Variants in GALNT14 observed in about 807,000 individuals in gnomAD.
The protein encoded by GALNT14 is polypeptide N-acetylgalactosaminyltransferase 14, also known as UDP-GalNAc:polypeptide N-acetylgalactosaminyltransferase 14.
In GALNT14, 60 loss-of-function variants were observed where a neutral mutation model predicts 77.5. The ratio of observed to expected loss-of-function variants is 0.77; its 90% CI spans 0.63 to 0.96. GALNT14 has a LOEUF of 0.96. GALNT14 is among the 40% of genes least tolerant of loss of function. The pLI is 0.00. For synonymous variants in GALNT14, 280 were observed against 281.7 expected (o/e 0.99, Z 0.06); for missense variants, 710 against 731.0 (o/e 0.97, Z 0.33).
intron 1 of GALNT14, among the ~76,000 whole-genome samples, chr2:31,023,680 C>A (rs10197865): frequency 6.6e-6 from 1 of 151,752 alleles, no homozygotes; most frequent in African/African-American, 2.4e-5. Context: ...CTGACTCTCA[C>A]CCTGCTTGAT....
chr2:30,932,959 G>A (rs1411019911), intron 9 of GALNT14, among the ~76,000 whole-genome samples: 2 of 152,180 alleles, frequency 1.3e-5, no homozygotes, highest in African/African-American at 2.4e-5. Flanking sequence ...GTTGGCTGCT[G>A]CTATGGGCCC....
chr2:31,079,184 A>C (rs1676001372), intron 1 of GALNT14: 1 of 578,400 alleles, frequency 1.7e-6, no homozygotes, highest in East Asian at 8.5e-5. Context: ...ATCAGTGTGG[A>C]AGTTGGCTGG....
rs28492871 is a variant in GALNT14 at position 31,064,703 on chromosome 2, T to C, written c.130-71696A>G. ...TCGCCAGACACAAGTGCACCTGAGA[T>C]AGACAACAGTCATAGCTCACCATCC... is the stretch of plus-strand genomic sequence containing the variant. On this transcript the variant is annotated intron_variant, in intron 1 of 14. Coordinates refer to ENST00000349752, the MANE Select transcript of GALNT14 (RefSeq NM_024572.4). Among the ~76,000 whole-genome samples the C allele has an allele frequency of 4.0e-3, 608 of 152,090 alleles. 5 individuals carry two copies. The highest frequency in any genetic ancestry group is 0.014 in the African/African-American group (567 of 41,490).
chr2:30,909,135 G>T (rs1664232725), downstream of GALNT14, among the ~76,000 whole-genome samples: 1 of 151,866 alleles, frequency 6.6e-6, no homozygotes, highest in Non-Finnish European at 1.5e-5. Context: ...TTACCATTCA[G>T]GACATAGGCA....
intron 1 of GALNT14, among the ~76,000 whole-genome samples, chr2:31,094,318 C>T (rs1676897513): frequency 6.6e-6 from 1 of 152,220 alleles, no homozygotes; most frequent in African/African-American, 2.4e-5. Context: ...TATCCCAAAA[C>T]CTATAAGAAC....
intron 1 of GALNT14, among the ~76,000 whole-genome samples, chr2:31,089,802 C>A (rs113382392): frequency 0.011 from 1,731 of 152,204 alleles, 13 homozygotes; most frequent in South Asian, 0.028. Flanking sequence ...AAGCAGCTGG[C>A]GTGCTAGTTC....
At chr2:30,939,467 C>A (rs188292705) in intron 9 of GALNT14, among the ~76,000 whole-genome samples, 1 of 152,224 alleles carries the variant, frequency 6.6e-6, no homozygotes, top group East Asian at 1.9e-4. Context: ...CAGGAGCAGG[C>A]TGATGAGGCT....
chr2:30,955,030 T>C (rs1287762725), intron 6 of GALNT14, among the ~76,000 whole-genome samples: 1 of 152,170 alleles, frequency 6.6e-6, no homozygotes, highest in Admixed American at 6.5e-5. Flanking sequence ...TATAAAATAA[T>C]AAGAAAAATT....
intron 2 of GALNT14, among the ~76,000 whole-genome samples, chr2:30,969,965 C>A (rs894800268): frequency 6.6e-6 from 1 of 152,234 alleles, no homozygotes; most frequent in African/African-American, 2.4e-5. Context: ...TCCGACATTA[C>A]TTTCCCAAGC....
chr2:31,026,266 C>G (rs997803487), intron 1 of GALNT14, among the ~76,000 whole-genome samples: 3 of 152,174 alleles, frequency 2.0e-5, no homozygotes, highest in Non-Finnish European at 4.4e-5. Flanking sequence ...ATTATTTTGC[C>G]AAGTCTCTGA....
intron 3 of GALNT14, among the ~76,000 whole-genome samples, chr2:30,962,580 T>C (rs539848261): frequency 3.0e-4 from 45 of 152,304 alleles, no homozygotes; most frequent in African/African-American, 1.1e-3. Context: ...CAGGGCTTGT[T>C]TTCTCTCTAA....
chr2:30,918,934 A>G (rs1256068360), intron 13 of GALNT14, among the ~76,000 whole-genome samples: 1 of 152,058 alleles, frequency 6.6e-6, no homozygotes, highest in Non-Finnish European at 1.5e-5. Context: ...CCACCGGCAG[A>G]CTCAGGCTCA....
intron 1 of GALNT14, among the ~76,000 whole-genome samples, chr2:31,038,092 T>A (rs1169279344): frequency 0.074 from 4,559 of 61,738 alleles, 272 homozygotes; most frequent in Non-Finnish European, 0.094. Context: ...ATATTTTTTT[T>A]TTTTTTTTTT....
At chr2:31,043,865 A>T (rs749253384) in intron 1 of GALNT14, among the ~76,000 whole-genome samples, 1 of 152,212 alleles carries the variant, frequency 6.6e-6, no homozygotes, top group Non-Finnish European at 1.5e-5. Context: ...GTACAGTGGA[A>T]CCATAGATAC....
chr2:30,958,412 C>A lies in GALNT14; in HGVS notation c.451G>T (p.Asp151Tyr). The change falls in exon 4 of 15, where the codon GAC (aspartate) becomes TAC (tyrosine). Residue 151 changes from aspartate (D) to tyrosine (Y), a missense_variant. Asp to Tyr is a radical substitution (Grantham distance 160, BLOSUM62 -3). Coordinates refer to ENST00000349752, the MANE Select transcript of GALNT14 (RefSeq NM_024572.4). ...HLIREIILVD[D>Y]FSNDPDDCKQ... ...CATGACTTACGGTCATTGCTGAAGT[C>A]ATCCACTAATATGATTTCCCGGATC... 1 of 1,613,932 alleles carries A rather than the reference C, an allele frequency of 6.2e-7. No homozygotes were observed. Among genetic ancestry groups the A allele is most frequent in the Non-Finnish European group, 8.5e-7 (1 of 1,179,860 alleles).
At chr2:31,076,630 T>TATATATATATATATATATATA (rs1553373510) in intron 1 of GALNT14, among the ~76,000 whole-genome samples, 1 of 87,244 alleles carries the variant, frequency 1.1e-5, no homozygotes, top group African/African-American at 5.0e-5. Flanking sequence ...TATATATATA[T>TATATATATATATATATATATA]TTTTTTTTTT....
chr2:31,125,293 C>A, intron 1 of GALNT14: 1 of 1,410,974 alleles, frequency 7.1e-7, no homozygotes, highest in Non-Finnish European at 9.8e-7. Flanking sequence ...ATGGTCATTT[C>A]TTTGGCAATT....
At chr2:31,113,584 G>A (rs1677945929) in intron 1 of GALNT14, among the ~76,000 whole-genome samples, 1 of 152,120 alleles carries the variant, frequency 6.6e-6, no homozygotes, top group African/African-American at 2.4e-5. Context: ...TATTCCTTCT[G>A]GTGCTGCAAG....
intron 1 of GALNT14, among the ~76,000 whole-genome samples, chr2:31,044,573 C>T (rs979975035): frequency 2.4e-4 from 37 of 152,134 alleles, no homozygotes; most frequent in Non-Finnish European, 2.4e-4. Flanking sequence ...CTAGAAATTA[C>T]ATACTGGCTA....
Sources: gnomAD v4.1 joint callset for allele counts (sites outside exome capture counted in the v4.1 genomes callset) on GRCh38, gnomAD v4.1.1 for gene constraint, MANE v1.5 for transcripts, NCBI Gene and HGNC (gene_info 2026-07-23, HGNC 2026-07-21) for gene names.